Variants in GRM5 observed in about 807,000 individuals in gnomAD.
GRM5 encodes metabotropic glutamate receptor 5.
Under a neutral mutation model 83.1 loss-of-function variants are expected in GRM5, and 19 were observed. The ratio of observed to expected loss-of-function variants is 0.23; its 90% CI spans 0.16 to 0.34. The LOEUF (loss-of-function observed/expected upper bound fraction) is 0.34, where lower values mean the gene tolerates loss of function less well. Among genes scored for constraint, GRM5 ranks in the 10% least tolerant of loss-of-function variants. GRM5 has a pLI of 1.00. For missense variants in GRM5, 1,160 were observed against 1,588.3 expected, an observed-to-expected ratio of 0.73 and a Z score of 4.58; for synonymous variants, 675 against 633.6, an observed-to-expected ratio of 1.07 and a Z score of -0.98.
At chr11:88,823,528 A>AC (rs1480546098) in intron 3 of GRM5, among the ~76,000 whole-genome samples, 1 of 149,326 alleles carries the variant, frequency 6.7e-6, no homozygotes. Flanking sequence ...GGGGATTTCA[A>AC]AAAAAAAAAG....
At chr11:88,771,461 C>T (rs889196147) in intron 3 of GRM5, among the ~76,000 whole-genome samples, 4 of 152,070 alleles carry the variant, frequency 2.6e-5, no homozygotes, top group African/African-American at 7.2e-5. Context: ...GGCTGAAAAA[C>T]CTGGAGTCTG....
At chr11:88,782,312 G>A (rs1565228304) in intron 3 of GRM5, among the ~76,000 whole-genome samples, 1 of 152,096 alleles carries the variant, frequency 6.6e-6, no homozygotes, top group Non-Finnish European at 1.5e-5. Flanking sequence ...CACGTGTCTA[G>A]GGAAGCCTCA....
At chr11:88,732,062 T>C (rs1035478253) in intron 3 of GRM5, among the ~76,000 whole-genome samples, 4 of 152,042 alleles carry the variant, frequency 2.6e-5, no homozygotes, top group Non-Finnish European at 5.9e-5. Context: ...ATCCAATCCC[T>C]CTTTGAAACA....
intron 3 of GRM5, among the ~76,000 whole-genome samples, chr11:88,719,134 G>C (rs1304584775): frequency 6.6e-6 from 1 of 151,558 alleles, no homozygotes; most frequent in Non-Finnish European, 1.5e-5. Flanking sequence ...TTGTGTCGTG[G>C]GGATTTGTTG....
chr11:89,042,954 CT>C, intron 2 of GRM5, among the ~76,000 whole-genome samples: 1 of 151,916 alleles, frequency 6.6e-6, no homozygotes, highest in South Asian at 2.1e-4. Context: ...TTGTTTTTTG[CT>C]GTAACAAATT....
At chr11:88,727,461 A>C (rs967970607) in intron 3 of GRM5, among the ~76,000 whole-genome samples, 1 of 152,188 alleles carries the variant, frequency 6.6e-6, no homozygotes, top group Non-Finnish European at 1.5e-5. Context: ...CTGCACTGTC[A>C]ATATTAGAGA....
chr11:89,048,397 G>T (rs938712412), intron 1 of GRM5, among the ~76,000 whole-genome samples: 3 of 152,120 alleles, frequency 2.0e-5, no homozygotes, highest in South Asian at 4.1e-4. Context: ...GCAAAACTAC[G>T]CCATGAACAG....
At chr11:89,037,215 T>C (rs1344457484) in intron 2 of GRM5, among the ~76,000 whole-genome samples, 2 of 152,104 alleles carry the variant, frequency 1.3e-5, no homozygotes, top group South Asian at 2.1e-4. Flanking sequence ...TAAATGTAAA[T>C]GTTTAATGTC....
intron 5 of GRM5, among the ~76,000 whole-genome samples, chr11:88,597,787 T>C (rs893167715): frequency 6.6e-6 from 1 of 152,146 alleles, no homozygotes; most frequent in Admixed American, 6.5e-5. Flanking sequence ...AGGGATAATT[T>C]ACAGAGGGCC....
chr11:88,874,461 G>A (rs1944818074), intron 2 of GRM5, among the ~76,000 whole-genome samples: 1 of 151,778 alleles, frequency 6.6e-6, no homozygotes, highest in Non-Finnish European at 1.5e-5. Context: ...AGACTTAAAT[G>A]TAAGACCTGA....
chr11:88,519,411 G>A (rs766272637), intron 9 of GRM5, among the ~76,000 whole-genome samples: 9 of 149,538 alleles, frequency 6.0e-5, no homozygotes, highest in Non-Finnish European at 1.0e-4. Flanking sequence ...TATTCTGAGT[G>A]CATGAGTTCG....
intron 3 of GRM5, among the ~76,000 whole-genome samples, chr11:88,826,441 T>C (rs1590888867): frequency 6.6e-6 from 1 of 151,392 alleles, no homozygotes; most frequent in African/African-American, 2.4e-5. Context: ...TATGTACAAA[T>C]AATTATATAT....
chr11:89,039,102 A>G (rs1366725127), intron 2 of GRM5, among the ~76,000 whole-genome samples: 1 of 151,926 alleles, frequency 6.6e-6, no homozygotes, highest in African/African-American at 2.4e-5. Flanking sequence ...CCTCTCTACT[A>G]AAAATACAAA....
intron 3 of GRM5, among the ~76,000 whole-genome samples, chr11:88,735,696 A>G (rs1168022898): frequency 6.6e-6 from 1 of 152,002 alleles, no homozygotes; most frequent in Non-Finnish European, 1.5e-5. Context: ...TCTTCCCATT[A>G]ATTTATATCT....
intron 2 of GRM5, among the ~76,000 whole-genome samples, chr11:88,986,433 G>C (rs1468503244): frequency 6.6e-6 from 1 of 152,092 alleles, no homozygotes; most frequent in Non-Finnish European, 1.5e-5. Flanking sequence ...CTGTATTAAT[G>C]TCAATATCCT....
chr11:88,946,949 A>T (rs570636923), intron 2 of GRM5, among the ~76,000 whole-genome samples: 43 of 152,202 alleles, frequency 2.8e-4, no homozygotes, highest in Non-Finnish European at 5.1e-4. Context: ...TTGTGCTTTA[A>T]TCAATGAGAA....
intron 2 of GRM5, among the ~76,000 whole-genome samples, chr11:88,943,907 T>C (rs1168962559): frequency 6.6e-6 from 1 of 151,968 alleles, no homozygotes; most frequent in East Asian, 1.9e-4. Context: ...CCTTAATAGT[T>C]TTGGCCCTCA....
At chr11:88,780,805 C>G (rs10831424) in intron 3 of GRM5, among the ~76,000 whole-genome samples, 8,082 of 152,098 alleles carry the variant, frequency 0.053, 400 homozygotes, top group Admixed American at 0.16. Flanking sequence ...CACGAGCCAC[C>G]ATGCCAGACC....
intron 8 of GRM5, among the ~76,000 whole-genome samples, chr11:88,538,753 A>G (rs1482519813): frequency 6.6e-6 from 1 of 152,218 alleles, no homozygotes; most frequent in Non-Finnish European, 1.5e-5. Context: ...TTTAATCATT[A>G]CAACAGTCTT....
Sources: gnomAD v4.1 joint callset for allele counts (sites outside exome capture counted in the v4.1 genomes callset) on GRCh38, gnomAD v4.1.1 for gene constraint, MANE v1.5 for transcripts, NCBI Gene and HGNC (gene_info 2026-07-23, HGNC 2026-07-21) for gene names.